Variants in KIF26B observed in about 807,000 individuals in gnomAD.
KIF26B encodes kinesin family member 26B, also known as kinesin-like protein KIF26B.
Under a neutral mutation model 151.2 loss-of-function variants are expected in KIF26B, and 63 were observed. The observed-to-expected ratio is 0.42, with a 90% CI of 0.34 to 0.51. The LOEUF (loss-of-function observed/expected upper bound fraction) is 0.51. Ranked by LOEUF, KIF26B falls within the 20% of genes least tolerant of loss-of-function variation. KIF26B has a pLI of 0.07. For synonymous variants in KIF26B, 1,357 were observed against 1,262.1 expected (o/e 1.08, Z -1.59); for missense variants, 2,813 against 2,913.6 (o/e 0.97, Z 0.79).
chr1:245,661,961 CATAT>C lies in KIF26B; in HGVS notation c.2258+15691_2258+15694del, dbSNP rs62636738. ...CAATGATGTATACATACACACACCC[CATAT>C]ATATATATACTCAATGACATAAATA... is the stretch of plus-strand genomic sequence containing the variant. On this transcript the variant is annotated intron_variant, in intron 10 of 14. Coordinates refer to ENST00000407071, the MANE Select transcript of KIF26B (RefSeq NM_018012.4). Among the ~76,000 whole-genome samples, 246 of 40,016 alleles carry C rather than the reference CATAT, an allele frequency of 6.1e-3. 80 individuals carry two copies. The highest frequency in any genetic ancestry group is 0.012 in the Non-Finnish European group (205 of 17,170). 26.3% of individuals were successfully genotyped at this position (40,016 alleles called of 152,430 possible).
intron 2 of KIF26B, among the ~76,000 whole-genome samples, chr1:245,256,559 A>G (rs1670540101): frequency 6.6e-6 from 1 of 152,178 alleles, no homozygotes; most frequent in African/African-American, 2.4e-5. Context: ...TGTAAGACCC[A>G]GGTGGGTATA....
Position 245,687,229 on chromosome 1 carries a change from G to A in KIF26B, c.4246G>A (p.Ala1416Thr). The change falls in exon 12 of 15, where the codon GCA becomes ACA. Residue 1416 changes from alanine (A) to threonine (T), a missense_variant. Coordinates refer to ENST00000407071, the MANE Select transcript of KIF26B (RefSeq NM_018012.4). The surrounding 1 kb of genome is among the most constrained non-coding windows in gnomAD (Gnocchi z 4.9). ...GGAGGCCCCCACCGCCACCCCCAAA[G>A]CAGGCCCCACATTAGCCCAGTCCCG... is the stretch of plus-strand genomic sequence containing the variant. ...EPEAPTATPK[A>T]GPTLAQSRES... 1 of 1,612,814 alleles carries A rather than the reference G, an allele frequency of 6.2e-7. No homozygotes were observed. Among genetic ancestry groups the A allele is most frequent in the Non-Finnish European group, 8.5e-7 (1 of 1,179,642 alleles).
chr1:245,391,540 C>T (rs955500360), intron 3 of KIF26B, among the ~76,000 whole-genome samples: 10 of 151,708 alleles, frequency 6.6e-5, no homozygotes, highest in African/African-American at 2.2e-4. Context: ...ACCTGTAATC[C>T]CAGCACTTTG....
intron 3 of KIF26B, among the ~76,000 whole-genome samples, chr1:245,395,307 TCTTGATTTG>T (rs1201327836): frequency 1.3e-5 from 2 of 152,210 alleles, no homozygotes; most frequent in Non-Finnish European, 2.9e-5. Flanking sequence ...TTTCCTGGGT[TCTTGATTTG>T]CTTGATTTGG....
intron 9 of KIF26B, among the ~76,000 whole-genome samples, chr1:245,624,294 A>G (rs2043699030): frequency 6.6e-6 from 1 of 152,150 alleles, no homozygotes; most frequent in African/African-American, 2.4e-5. Context: ...AAAAAAAAAA[A>G]AAGAAAAACT....
intron 2 of KIF26B, among the ~76,000 whole-genome samples, chr1:245,162,057 G>T (rs1008224916): frequency 2.0e-5 from 3 of 152,202 alleles, no homozygotes; most frequent in African/African-American, 7.2e-5. Context: ...AACCCTGCCC[G>T]AGGGCCCCGT....
chr1:245,257,622 G>A (rs1670560506), intron 2 of KIF26B, among the ~76,000 whole-genome samples: 1 of 152,216 alleles, frequency 6.6e-6, no homozygotes, highest in African/African-American at 2.4e-5. Context: ...CCTGGAGGAA[G>A]GCTGGACAGG....
At chr1:245,331,403 A>G (rs12564802) in intron 2 of KIF26B, among the ~76,000 whole-genome samples, 43,240 of 152,128 alleles carry the variant, frequency 0.28, 9,831 homozygotes, top group African/African-American at 0.61. Context: ...TGCTCTTAAG[A>G]AAAGCCCGCA....
chr1:245,254,995 G>C (rs1670507070), intron 2 of KIF26B, among the ~76,000 whole-genome samples: 3 of 152,222 alleles, frequency 2.0e-5, no homozygotes, highest in African/African-American at 7.2e-5. Context: ...CTCCGTAACA[G>C]TGTTAAGAGG....
At chr1:245,403,787 T>C (rs563903758) in intron 3 of KIF26B, among the ~76,000 whole-genome samples, 76 of 152,374 alleles carry the variant, frequency 5.0e-4, no homozygotes, top group African/African-American at 1.6e-3. Flanking sequence ...TAGTTTTTAA[T>C]ACTTACTCTA....
At chr1:245,663,390 A>AT (rs930249241) in intron 10 of KIF26B, among the ~76,000 whole-genome samples, 23 of 17,278 alleles carry the variant, frequency 1.3e-3, no homozygotes, top group African/African-American at 2.9e-3. Context: ...ATTTGTGATC[A>AT]TTTTTTTTTG....
chr1:245,541,904 G>A lies in KIF26B; in HGVS notation c.1350+954G>A, dbSNP rs544469642. 2.0e-5 allele frequency among the ~76,000 whole-genome samples: 3 copies of A among 152,228 alleles called. No homozygotes were observed. The East Asian group carries it at 5.8e-4, about 29-fold the overall frequency. On this transcript the variant is annotated intron_variant, in intron 5 of 14. Transcript: ENST00000407071. ...GGCCTCAGAAGGCCTCTGTCTCTCTGGAGTCTCCCCTTGCACCCTCTACCC... is the reference window on the plus strand; with the variant it reads ...GGCCTCAGAAGGCCTCTGTCTCTCTAGAGTCTCCCCTTGCACCCTCTACCC...
In KIF26B at chr1:245,242,841, G is replaced by A. The variant is rs201687804; in HGVS notation, c.465+86158G>A. 4.4e-3 allele frequency among the ~76,000 whole-genome samples: 668 copies of A among 152,156 alleles called. 8 individuals carry two copies. Among genetic ancestry groups the A allele is most frequent in the Non-Finnish European group, 6.7e-3 (454 of 67,996 alleles). ...TAATTTTTGTATTTTTAGCAGAGACGGGGTTTCACCATGTTGCTCAGGCTG... is the reference window on the plus strand; with the variant it reads ...TAATTTTTGTATTTTTAGCAGAGACAGGGTTTCACCATGTTGCTCAGGCTG... On this transcript the variant is annotated intron_variant, in intron 2 of 14. Coordinates refer to ENST00000407071, the MANE Select transcript of KIF26B (RefSeq NM_018012.4).
At position 245,276,827 on chromosome 1, in the gene KIF26B, A is replaced by T. The variant is rs187067121; in HGVS notation, c.466-90007A>T. On this transcript the variant is annotated intron_variant, in intron 2 of 14. Coordinates refer to ENST00000407071, the MANE Select transcript of KIF26B (RefSeq NM_018012.4). ...GTTGAATTGCTGTCTCTGTAGGGAC[A>T]AAGAGGGTCTTGCAGTTCCTATTTT... 1.8e-3 allele frequency among the ~76,000 whole-genome samples: 268 copies of T among 152,316 alleles called. 1 individual carries two copies. Among genetic ancestry groups the T allele is most frequent in the African/African-American group, 6.2e-3 (259 of 41,576 alleles).
In KIF26B at chr1:245,687,588, C is replaced by G. The variant is rs1438174768; in HGVS notation, c.4605C>G (p.Ser1535Arg). 10 of 1,563,832 alleles carry G rather than the reference C, an allele frequency of 6.4e-6. No homozygotes were observed. The highest frequency in any genetic ancestry group is 7.8e-6 in the Non-Finnish European group (9 of 1,154,488). ...ATCCCAACAAAAGCGTCAAGTCCAG[C>G]AGCCTTCCCAGGGCCTTTCAGAAGG... ...PVHPNKSVKS[S>R]SLPRAFQKAS... Residue 1535 changes from serine (S) to arginine (R), a missense_variant, in exon 12 of 15, where the codon AGC (serine) becomes AGG (arginine). This residue lies in a region of KIF26B where 2,060 missense variants were observed against 2,088.6 expected (regional missense o/e 0.99). Coordinates refer to ENST00000407071, the MANE Select transcript of KIF26B (RefSeq NM_018012.4). The surrounding 1 kb of genome is among the most constrained non-coding windows in gnomAD (Gnocchi z 4.9).
At chr1:245,390,279 G>A (rs1460176329) in intron 3 of KIF26B, among the ~76,000 whole-genome samples, 1 of 151,718 alleles carries the variant, frequency 6.6e-6, no homozygotes, top group Admixed American at 6.6e-5. Flanking sequence ...GTGCAGTGGT[G>A]CAGTCTCGGC....
chr1:245,399,452 A>G (rs1673940278), intron 3 of KIF26B, among the ~76,000 whole-genome samples: 1 of 152,176 alleles, frequency 6.6e-6, no homozygotes, highest in South Asian at 2.1e-4. Context: ...AACAGATCAG[A>G]TCCTTTGAGA....
intron 2 of KIF26B, among the ~76,000 whole-genome samples, chr1:245,209,463 GAGA>G (rs1236874777): frequency 6.6e-6 from 1 of 151,882 alleles, no homozygotes; most frequent in Admixed American, 6.6e-5. Flanking sequence ...GAATCAAATG[GAGA>G]AGAAGAGACA....
At chr1:245,627,501 T>C (rs1470378391) in intron 9 of KIF26B, among the ~76,000 whole-genome samples, 1 of 152,018 alleles carries the variant, frequency 6.6e-6, no homozygotes, top group East Asian at 1.9e-4. Context: ...AGAGGGAAAT[T>C]TATAGCACTA....
Sources: gnomAD v4.1 joint callset for allele counts (sites outside exome capture counted in the v4.1 genomes callset) on GRCh38, gnomAD v4.1.1 for gene constraint, gnomAD v4.1.1 regional missense constraint, Gnocchi (gnomAD v3.1) non-coding constraint, MANE v1.5 for transcripts, NCBI Gene and HGNC (gene_info 2026-07-23, HGNC 2026-07-21) for gene names.